CCDC32: variants seen among roughly 807,000 people sequenced by gnomAD.
CCDC32 encodes coiled-coil domain containing 32.
In CCDC32, 9 loss-of-function variants were observed where a neutral mutation model predicts 20.1. The observed-to-expected ratio is 0.45, with a 90% confidence interval of 0.27 to 0.78. The LOEUF (loss-of-function observed/expected upper bound fraction) is 0.78, where lower values mean the gene tolerates loss of function less well. Ranked by LOEUF, CCDC32 falls within the 30% of genes least tolerant of loss-of-function variation. The pLI is 0.16. For synonymous variants in CCDC32, 63 were observed against 79.0 expected, an observed-to-expected ratio of 0.80 and a Z score of 1.07; for missense variants, 204 against 215.5, an observed-to-expected ratio of 0.95 and a Z score of 0.33.
intron 2 of CCDC32, among the ~76,000 whole-genome samples, chr15:40,562,472 C>T (rs893304068): frequency 1.3e-5 from 2 of 152,030 alleles, no homozygotes; most frequent in African/African-American, 4.8e-5. Flanking sequence ...CCCAGCTACT[C>T]GGTAGGCTGA....
chr15:40,560,594 A>G (rs1340501970), intron 2 of CCDC32, among the ~76,000 whole-genome samples: 1 of 152,222 alleles, frequency 6.6e-6, no homozygotes, highest in Non-Finnish European at 1.5e-5. Context: ...GAGAAGATAT[A>G]CAAATGGCTA....
downstream of CCDC32, chr15:40,535,537 T>A (rs1889072256): frequency 1.0e-6 from 1 of 985,776 alleles, no homozygotes; most frequent in Non-Finnish European, 1.2e-6. Context: ...GCCCGCCCCT[T>A]CTCTCCTCCT....
chr15:40,522,881 G>A, the CCDC32 span, among the ~76,000 whole-genome samples: 1 of 150,516 alleles, frequency 6.6e-6, no homozygotes, highest in East Asian at 1.9e-4. Context: ...AGACTGAAGG[G>A]CAGTGGCGCA....
downstream of CCDC32, chr15:40,532,396 C>T (rs539684520): frequency 1.9e-5 from 13 of 675,354 alleles, no homozygotes; most frequent in Admixed American, 8.5e-5. Context: ...TGATATCACC[C>T]GTCTTACTGC....
chr15:40,549,966 G>T (rs549703396), downstream of CCDC32, among the ~76,000 whole-genome samples: 1 of 152,320 alleles, frequency 6.6e-6, no homozygotes, highest in Non-Finnish European at 1.5e-5. Flanking sequence ...TTGGAAGGGT[G>T]CACCTCGGCC....
downstream of CCDC32, chr15:40,531,986 A>C: frequency 3.8e-6 from 1 of 261,706 alleles, no homozygotes; most frequent in Non-Finnish European, 7.2e-6. Flanking sequence ...TTAATTCCCC[A>C]AGAACCTCAA....
At chr15:40,563,164 A>G (rs1890772896) in intron 1 of CCDC32, 137 bp from the exon 2 acceptor site, 1 of 1,061,250 alleles carries the variant, frequency 9.4e-7, no homozygotes, top group East Asian at 2.4e-5. Flanking sequence ...GCAGTTCGAG[A>G]CCAGCCTGGG....
chr15:40,540,700 G>A (rs967357329), intron 3 of CCDC32, among the ~76,000 whole-genome samples: 7 of 152,128 alleles, frequency 4.6e-5, no homozygotes, highest in African/African-American at 1.4e-4. Flanking sequence ...TGATTAGGCT[G>A]TCAATACAGG....
chr15:40,554,889 A>G lies in CCDC32; in HGVS notation c.402-762T>C, dbSNP rs149839052. Reference sequence around the variant, plus strand: ...TTATTCTATGCTCCTCAATAGCACAAAGTCTTAACCCAAGAAAGAATACCA... The same window carrying G: ...TTATTCTATGCTCCTCAATAGCACAGAGTCTTAACCCAAGAAAGAATACCA... On this transcript the variant is annotated intron_variant, in intron 3 of 3. Transcript: ENST00000416810. Among the ~76,000 whole-genome samples, 30 of 152,308 alleles carry G rather than the reference A, an allele frequency of 2.0e-4. No homozygotes were observed. In the East Asian group the frequency reaches 5.8e-3, roughly 29 times the overall value.
chr15:40,524,146 CTTTTTTTTTTTTTT>C (rs66753325), downstream of CCDC32, among the ~76,000 whole-genome samples: 4 of 89,138 alleles, frequency 4.5e-5, no homozygotes, highest in African/African-American at 1.8e-4. Context: ...CATGCATAAT[CTTTTTTTTTTTTTT>C]TTTTTTTTTT....
chr15:40,539,784 A>ACAACATTTG (rs1280213790), intron 3 of CCDC32, among the ~76,000 whole-genome samples: 1 of 151,274 alleles, frequency 6.6e-6, no homozygotes, highest in Admixed American at 6.6e-5. Flanking sequence ...CTCTGGCTGG[A>ACAACATTTG]CAACATTTGC....
downstream of CCDC32, among the ~76,000 whole-genome samples, chr15:40,552,405 C>T (rs1889921283): frequency 7.1e-6 from 1 of 141,186 alleles, no homozygotes; most frequent in African/African-American, 2.6e-5. Flanking sequence ...TGCTTGAACC[C>T]GGGAGGCAGA....
chr15:40,539,840 C>CCCCACA (rs1338607302), intron 3 of CCDC32, among the ~76,000 whole-genome samples: 2 of 134,542 alleles, frequency 1.5e-5, no homozygotes, highest in African/African-American at 5.6e-5. Context: ...CAAACTGTTG[C>CCCCACA]CACACACACA....
intron 2 of CCDC32, among the ~76,000 whole-genome samples, chr15:40,560,230 G>A (rs1168556931): frequency 2.6e-5 from 4 of 152,100 alleles, no homozygotes; most frequent in African/African-American, 9.7e-5. Context: ...GGATGGTCTC[G>A]ATCTCTTGAC....
chr15:40,532,010 C>T (rs1888895532), downstream of CCDC32: 1 of 315,890 alleles, frequency 3.2e-6, no homozygotes, highest in South Asian at 9.2e-5. Context: ...CATCTGTCTT[C>T]TGGAGGTTCC....
intron 3 of CCDC32, among the ~76,000 whole-genome samples, chr15:40,547,808 C>T (rs573535057): frequency 3.3e-5 from 5 of 152,212 alleles, no homozygotes; most frequent in Non-Finnish European, 7.3e-5. Context: ...TGCATGCATG[C>T]ATCACCAAGG....
chr15:40,536,320 C>T (rs1273498760), downstream of CCDC32: 1 of 152,418 alleles, frequency 6.6e-6, no homozygotes, highest in Admixed American at 6.5e-5. Context: ...GAGAGAAGAC[C>T]GGGAAGATGC....
At chr15:40,535,337 A>C, downstream of CCDC32, 1 of 1,195,852 alleles carries the variant, frequency 8.4e-7, no homozygotes. Flanking sequence ...CAGCCTCTCC[A>C]TAGCATCTGT....
intron 3 of CCDC32, chr15:40,528,920 T>A: frequency 1.6e-6 from 1 of 615,926 alleles, no homozygotes; most frequent in Non-Finnish European, 2.9e-6. Context: ...CTCCAGCACG[T>A]GCTGAGTGGT....
Sources: allele counts gnomAD v4.1 joint callset (sites outside exome capture counted in the v4.1 genomes callset), GRCh38; gene constraint gnomAD v4.1.1; transcripts MANE v1.5; gene names NCBI Gene and HGNC (gene_info 2026-07-23, HGNC 2026-07-21).